Variants in OSBPL1A observed in about 807,000 individuals in gnomAD.
The protein encoded by OSBPL1A is oxysterol binding protein like 1A, also known as oxysterol-binding protein-related protein 1.
In OSBPL1A, 80 loss-of-function variants were observed where a neutral mutation model predicts 137.1. The observed-to-expected ratio is 0.58, with a 90% confidence interval of 0.49 to 0.70. The LOEUF (loss-of-function observed/expected upper bound fraction) is 0.70. OSBPL1A is among the 30% of genes least tolerant of loss of function. The probability of loss-of-function intolerance (pLI) is 0.00; values close to 1 mark genes in which losing one functional copy is unlikely to be tolerated. For synonymous variants in OSBPL1A, 365 were observed against 389.7 expected (o/e 0.94, Z 0.75); for missense variants, 970 against 1,129.4 (o/e 0.86, Z 2.02).
At chr18:24,270,566 G>A (rs1345523078) in intron 15 of OSBPL1A, among the ~76,000 whole-genome samples, 2 of 152,072 alleles carry the variant, frequency 1.3e-5, no homozygotes, top group African/African-American at 2.4e-5. Flanking sequence ...AGTAGCACTG[G>A]GACAGAGGCT....
chr18:24,172,490 A>C lies in OSBPL1A; in HGVS notation c.2094-7T>G. On this transcript the variant is annotated splice_polypyrimidine_tract_variant and splice_region_variant and intron_variant, in intron 21 of 27. Coordinates refer to ENST00000319481, the MANE Select transcript of OSBPL1A (RefSeq NM_080597.4). ...TGTATATGCCTCATTGTGTCTAAAA[A>C]ACAAAACCAAACCCAGAAGCATAAG... is the stretch of plus-strand genomic sequence containing the variant. 1.3e-6 allele frequency: 2 copies of C among 1,585,490 alleles called. No homozygotes were observed. Among genetic ancestry groups the C allele is most frequent in the Non-Finnish European group, 1.7e-6 (2 of 1,154,796 alleles).
In OSBPL1A at chr18:24,171,222, G is replaced by T. The variant is rs561064240; in HGVS notation, c.2291+187C>A. Among the ~76,000 whole-genome samples the T allele has an allele frequency of 2.4e-4, 37 of 151,710 alleles. No individual in the cohort carries two copies. In the South Asian group the frequency reaches 7.5e-3, roughly 31 times the overall value. On this transcript the variant is annotated intron_variant, in intron 23 of 27. Coordinates refer to ENST00000319481, the MANE Select transcript of OSBPL1A (RefSeq NM_080597.4). ...CTAATTTTTTTGTATTTTTAGTAGA[G>T]ATGGGGTTTTACTATGTTGGCCAGG... is the stretch of plus-strand genomic sequence containing the variant.
At chr18:24,388,138 C>T (rs1907060147) in intron 1 of OSBPL1A, among the ~76,000 whole-genome samples, 1 of 152,164 alleles carries the variant, frequency 6.6e-6, no homozygotes, top group Non-Finnish European at 1.5e-5. Context: ...TCTCCATCTC[C>T]AATATCACCT....
chr18:24,299,815 C>T (rs1464103743), intron 14 of OSBPL1A, among the ~76,000 whole-genome samples: 1 of 152,152 alleles, frequency 6.6e-6, no homozygotes, highest in Admixed American at 6.6e-5. Context: ...TAAAAGTTGG[C>T]ATGTAAAATA....
chr18:24,195,006 A>G (rs557806479), intron 18 of OSBPL1A, among the ~76,000 whole-genome samples: 1 of 152,338 alleles, frequency 6.6e-6, no homozygotes, highest in Non-Finnish European at 1.5e-5. Flanking sequence ...AGACATTGGA[A>G]AAATGCCAGA....
intron 15 of OSBPL1A, among the ~76,000 whole-genome samples, chr18:24,240,986 T>A (rs2088671325): frequency 6.6e-6 from 1 of 152,186 alleles, no homozygotes; most frequent in Non-Finnish European, 1.5e-5. Flanking sequence ...TCTACCACCA[T>A]CTGATCTTTG....
At chr18:24,229,882 C>T (rs2088215925) in intron 16 of OSBPL1A, among the ~76,000 whole-genome samples, 2 of 152,086 alleles carry the variant, frequency 1.3e-5, no homozygotes, top group South Asian at 4.1e-4. Context: ...TCCCAAGTAC[C>T]TGGGACTATA....
chr18:24,306,684 A>T (rs1478478150), intron 13 of OSBPL1A, among the ~76,000 whole-genome samples: 2 of 152,184 alleles, frequency 1.3e-5, no homozygotes, highest in Non-Finnish European at 2.9e-5. Flanking sequence ...GCAGCAAGGG[A>T]ACAACATTTT....
Position 24,170,311 on chromosome 18 carries a change from C to CT in OSBPL1A, c.2418+15dup. 1 of 1,613,972 alleles carries CT rather than the reference C, an allele frequency of 6.2e-7. No individual in the cohort carries two copies. Among genetic ancestry groups the CT allele is most frequent in the African/African-American group, 1.3e-5 (1 of 75,008 alleles). On this transcript the variant is annotated intron_variant, in intron 24 of 27. Coordinates refer to ENST00000319481, the MANE Select transcript of OSBPL1A (RefSeq NM_080597.4). ...AATCCAGTTATTCCTTCGATACCACCTTACAGGATGTTCACCTGTTTGCTG... is the reference window on the plus strand; with the variant it reads ...AATCCAGTTATTCCTTCGATACCACCTTTACAGGATGTTCACCTGTTTGCTG...
intron 4 of OSBPL1A, chr18:24,357,843 A>G (rs899003772): frequency 2.0e-5 from 3 of 152,294 alleles, no homozygotes; most frequent in African/African-American, 7.2e-5. Flanking sequence ...CCTCAGAAGA[A>G]TAAATTACTG....
chr18:24,396,224 TA>T (rs372296881), intron 1 of OSBPL1A, among the ~76,000 whole-genome samples: 172 of 139,882 alleles, frequency 1.2e-3, no homozygotes, highest in Non-Finnish European at 1.2e-3. Flanking sequence ...TGTCTCAATT[TA>T]AAAAAAAAAA....
chr18:24,197,163 C>T (rs1007006505), intron 17 of OSBPL1A, among the ~76,000 whole-genome samples: 1 of 152,148 alleles, frequency 6.6e-6, no homozygotes, highest in African/African-American at 2.4e-5. Flanking sequence ...GCCTGGGCAA[C>T]ATAGTGAAAC....
chr18:24,314,354 T>C lies in OSBPL1A; in HGVS notation c.871-7A>G. The C allele has an allele frequency of 6.3e-7, 1 of 1,580,024 alleles. No individual in the cohort carries two copies. The highest frequency in any genetic ancestry group is 8.6e-7 in the Non-Finnish European group (1 of 1,159,980). ...AGCTATCAGTGGATTTTACCTTGGA[T>C]ATAAAGAAGTCAGTAAGACAACATT... On this transcript the variant is annotated splice_polypyrimidine_tract_variant and splice_region_variant and intron_variant, in intron 11 of 27. Coordinates refer to ENST00000319481, the MANE Select transcript of OSBPL1A (RefSeq NM_080597.4).
chr18:24,252,584 G>A (rs1024798261), intron 15 of OSBPL1A, among the ~76,000 whole-genome samples: 2 of 152,088 alleles, frequency 1.3e-5, no homozygotes, highest in African/African-American at 4.8e-5. Flanking sequence ...CTGAGAGGAG[G>A]TCTTTAATCT....
intron 13 of OSBPL1A, among the ~76,000 whole-genome samples, chr18:24,307,759 A>G (rs562451513): frequency 1.3e-4 from 20 of 152,206 alleles, no homozygotes; most frequent in African/African-American, 4.8e-4. Flanking sequence ...CTGCACATTT[A>G]TTTTAGTTGG....
At chr18:24,210,205 T>A (rs1308339259) in intron 17 of OSBPL1A, among the ~76,000 whole-genome samples, 1 of 152,012 alleles carries the variant, frequency 6.6e-6, no homozygotes, top group African/African-American at 2.4e-5. Context: ...GGCAGGTGGA[T>A]CATGAGGTCA....
intron 13 of OSBPL1A, among the ~76,000 whole-genome samples, chr18:24,308,741 G>A (rs2090556812): frequency 6.6e-6 from 1 of 151,866 alleles, no homozygotes; most frequent in Non-Finnish European, 1.5e-5. Context: ...TGGCTAATAT[G>A]TAGTTAAATA....
intron 4 of OSBPL1A, among the ~76,000 whole-genome samples, chr18:24,363,726 C>T (rs907771575): frequency 1.2e-4 from 19 of 152,018 alleles, no homozygotes; most frequent in Admixed American, 5.9e-4. Flanking sequence ...ACTTCAGCCT[C>T]GACCTCCCCG....
intron 18 of OSBPL1A, among the ~76,000 whole-genome samples, chr18:24,195,702 A>C (rs1011793347): frequency 6.6e-6 from 1 of 152,198 alleles, no homozygotes; most frequent in African/African-American, 2.4e-5. Context: ...CTGCACAGAT[A>C]ACTAAGCAGA....
Sources: gnomAD v4.1 joint callset for allele counts (sites outside exome capture counted in the v4.1 genomes callset) on GRCh38, gnomAD v4.1.1 for gene constraint, MANE v1.5 for transcripts, NCBI Gene and HGNC (gene_info 2026-07-23, HGNC 2026-07-21) for gene names.